Variants in SRSF5 observed in about 807,000 individuals in gnomAD.
SRSF5 encodes the protein serine/arginine-rich splicing factor 5.
SRSF5 carries 5 observed loss-of-function variants against 34.0 expected under a neutral mutation model. The observed-to-expected ratio is 0.15, with a 90% CI of 0.08 to 0.31. The LOEUF (loss-of-function observed/expected upper bound fraction) is 0.31. SRSF5 is among the 10% of genes least tolerant of loss of function. SRSF5 has a pLI of 1.00. For synonymous variants in SRSF5, 164 were observed against 117.7 expected, an observed-to-expected ratio of 1.39 and a Z score of -2.55; for missense variants, 223 against 351.4, an observed-to-expected ratio of 0.63 and a Z score of 2.92.
chr14:69,769,144 G>A (rs776742512), intron 4 of SRSF5, 38 bp from the exon 5 acceptor site: 1 of 1,609,862 alleles, frequency 6.2e-7, no homozygotes. Context: ...TGCTGTCATT[G>A]CATTTCTTCC....
intron 5 of SRSF5, 123 bp downstream of exon 5, chr14:69,769,374 T>TAAA: frequency 6.7e-7 from 1 of 1,501,232 alleles, no homozygotes; most frequent in Admixed American, 2.2e-5. Flanking sequence ...GAATTGTAAT[T>TAAA]TTAAACATTT....
At chr14:69,767,881 G>A in intron 1 of SRSF5, 1 of 436,986 alleles carries the variant, frequency 2.3e-6, no homozygotes, top group East Asian at 4.8e-5. Flanking sequence ...CCCGGAGAGT[G>A]TGCGGCTGCG....
intron 1 of SRSF5, 127 bp from the exon 2 acceptor site, chr14:69,768,011 C>T (rs994225508): frequency 3.0e-5 from 32 of 1,074,900 alleles, no homozygotes; most frequent in Admixed American, 2.2e-4. Flanking sequence ...ATTAGAGGCT[C>T]TGTTGGCAAT....
In SRSF5 at chr14:69,771,708, G is replaced by C; in HGVS notation, c.*247G>C. On this transcript the variant is annotated 3_prime_UTR_variant, in exon 8 of 8. Transcript: ENST00000557154. ...TTTTTGTGAATGTCTGAAGTATATA[G>C]TTTGTGTATATTGACAGAGCTCTTT... is the stretch of plus-strand genomic sequence containing the variant. 1 of 466,672 alleles carries C rather than the reference G, an allele frequency of 2.1e-6. No individual in the cohort carries two copies. The highest frequency in any genetic ancestry group is 3.8e-6 in the Non-Finnish European group (1 of 265,144). The allele number at this position is 466,672 out of a possible 1,614,324, so 28.9% of individuals were successfully genotyped here. A position where few individuals can be genotyped will look rare whatever the true frequency, so the allele number is the denominator to read the frequency against.
At position 69,768,201 on chromosome 14, in the gene SRSF5, C is replaced by T. The variant is rs773582219; in HGVS notation, c.45C>T (p.Ala15=). 1.2e-6 allele frequency: 2 copies of T among 1,614,110 alleles called. No individual in the cohort carries two copies. The highest frequency in any genetic ancestry group is 1.7e-6 in the Non-Finnish European group (2 of 1,180,038). The part of the protein sequence containing the change: ...RVFIGRLNPA[A]REKDVERFFK... ...TCATCGGGAGACTAAATCCAGCGGC[C>T]AGGGAGAAGGACGTGGAAAGATTCT... The change falls in exon 2 of 8, where the codon GCC becomes GCT. Residue 15 remains alanine, a synonymous_variant. Transcript: ENST00000557154.
rs1882733870 is a variant in SRSF5, at chr14:69,767,965, C to G, written c.-19-173C>G. The G allele has an allele frequency of 3.0e-5, 19 of 643,616 alleles. No individual in the cohort carries two copies. The South Asian group carries it at 3.5e-4, about 12-fold the overall frequency. The allele number at this position is 643,616 out of a possible 1,614,324, so 39.9% of individuals were successfully genotyped here. A position where few individuals can be genotyped will look rare whatever the true frequency, so the allele number is the denominator to read the frequency against. The stretch of plus-strand genomic sequence containing the variant: ...AGTAGCGGACCGTGTTGGGAGGGAG[C>G]TGGGTTTTCATTTTGTCTGCAGGTA... On this transcript the variant is annotated intron_variant, in intron 1 of 7. Coordinates refer to ENST00000557154, the MANE Select transcript of SRSF5 (RefSeq NM_001320214.2).
At chr14:69,767,826 T>A (rs1882705213) in intron 1 of SRSF5, 1 of 365,108 alleles carries the variant, frequency 2.7e-6, no homozygotes, top group Non-Finnish European at 5.3e-6. Flanking sequence ...CCGCCCGCAC[T>A]TCTCGGCCTT....
rs1393173831 is a variant in SRSF5 at position 69,770,329 on chromosome 14, G to C, written c.367-138G>C. On this transcript the variant is annotated intron_variant, in intron 5 of 7. Transcript: ENST00000557154. ...CATAGATAATTTTTGAATTCTGATA[G>C]AATACAAGTGTGGTAAATGCCATGT... The C allele has an allele frequency of 9.8e-6, 14 of 1,434,292 alleles. No homozygotes were observed. In the East Asian group the frequency reaches 1.5e-4, roughly 16 times the overall value. 88.8% of individuals were successfully genotyped at this position (1,434,292 alleles called of 1,614,324 possible). A position where few individuals can be genotyped will look rare whatever the true frequency, so the allele number is the denominator to read the frequency against.
Position 69,770,167 on chromosome 14 carries a change from TTTG to T in SRSF5, c.367-294_367-292del, listed in dbSNP as rs746146335. ...TTTAAAAATATGTACTGTTTCCTTT[TTTG>T]TTGTTTTTTTGTTTGTTTTTTTTTC... On this transcript the variant is annotated intron_variant, in intron 5 of 7. Coordinates refer to ENST00000557154, the MANE Select transcript of SRSF5 (RefSeq NM_001320214.2). 1,244 of 1,093,006 alleles carry T rather than the reference TTTG, an allele frequency of 1.1e-3. 2 individuals carry two copies. The highest frequency in any genetic ancestry group is 1.3e-3 in the Non-Finnish European group (1,177 of 899,440). The allele number at this position is 1,093,006 out of a possible 1,614,324, so 67.7% of individuals were successfully genotyped here.
rs757699564 is a variant in SRSF5 at position 69,769,283 on chromosome 14, A to T, written c.366+32A>T. 2.5e-6 allele frequency: 4 copies of T among 1,610,596 alleles called. No individual in the cohort carries two copies. In the African/African-American group the frequency reaches 5.4e-5, roughly 22 times the overall value. On this transcript the variant is annotated intron_variant, in intron 5 of 7. Transcript: ENST00000557154. Reference sequence around the variant, plus strand: ...TGAAATACAGTTTTGAGTTATTTTGATGTGGCTTTTTAAAAAAGTTAATGG... The same window carrying T: ...TGAAATACAGTTTTGAGTTATTTTGTTGTGGCTTTTTAAAAAAGTTAATGG...
At chr14:69,770,244 T>A in intron 5 of SRSF5, 1 of 1,334,360 alleles carries the variant, frequency 7.5e-7, no homozygotes, top group Non-Finnish European at 9.6e-7. Context: ...TGTTAAAATC[T>A]GAATTTCTTT....
Position 69,768,386 on chromosome 14 carries a change from G to A in SRSF5, c.126+104G>A, listed in dbSNP as rs927368425. Reference sequence around the variant, plus strand: ...GGTGGAATATTTGCCTTCAGAAAATGTTACCCAGCCTTATGTCTGAATTTT... The same window carrying A: ...GGTGGAATATTTGCCTTCAGAAAATATTACCCAGCCTTATGTCTGAATTTT... On this transcript the variant is annotated intron_variant, in intron 2 of 7. Coordinates refer to ENST00000557154, the MANE Select transcript of SRSF5 (RefSeq NM_001320214.2). The A allele has an allele frequency of 4.9e-5, 74 of 1,509,246 alleles. No individual in the cohort carries two copies. The Admixed American group carries it at 1.3e-3, about 27-fold the overall frequency. The allele number at this position is 1,509,246 out of a possible 1,614,324, so 93.5% of individuals were successfully genotyped here. A position where few individuals can be genotyped will look rare whatever the true frequency, so the allele number is the denominator to read the frequency against.
intron 4 of SRSF5, 131 bp downstream of exon 4, chr14:69,769,027 G>A: frequency 7.8e-7 from 1 of 1,280,268 alleles, no homozygotes; most frequent in Non-Finnish European, 1.1e-6. Flanking sequence ...TTAGCCAGTT[G>A]TTCTTGATGA....
At chr14:69,768,550 GT>G in intron 2 of SRSF5, 53 bp from the exon 3 acceptor site, 1 of 1,534,656 alleles carries the variant, frequency 6.5e-7, no homozygotes, top group Non-Finnish European at 9.0e-7. Flanking sequence ...CTCTTAATGT[GT>G]TGTAGAATAC....
chr14:69,770,078 A>G (rs1363162476), intron 5 of SRSF5: 10 of 1,026,354 alleles, frequency 9.7e-6, no homozygotes, highest in Non-Finnish European at 1.2e-5. Context: ...ATGGGGCACA[A>G]AATAACTGGT....
rs74061422 is a variant in SRSF5 at position 69,769,155 on chromosome 14, A to G, written c.297-27A>G. 7,459 of 1,613,078 alleles carry G rather than the reference A, an allele frequency of 4.6e-3. 320 individuals carry two copies. The African/African-American group carries it at 0.088, about 19-fold the overall frequency. ...CAAGTGCTGTCATTGCATTTCTTCC[A>G]TTGTGAATACGAATTTTCTTCCTCA... On this transcript the variant is annotated intron_variant, in intron 4 of 7. Transcript: ENST00000557154.
intron 3 of SRSF5, 26 bp from the exon 4 acceptor site, chr14:69,768,772 C>T (rs756062758): frequency 6.2e-6 from 10 of 1,612,574 alleles, no homozygotes; most frequent in African/African-American, 1.3e-5. Context: ...AAGTGTGTAA[C>T]GGAGATTTTT....
Position 69,768,617 on chromosome 14 carries a change from C to G in SRSF5, c.140C>G (p.Pro47Arg), listed in dbSNP as rs770221793. ...CTTACATTTTAGGAATTTGAGGATC[C>G]AAGGGATGCAGATGATGCTGTGTAT... is the stretch of plus-strand genomic sequence containing the variant. ...RGFGFVEFED[P>R]RDADDAVYEL... Residue 47 changes from proline to arginine, a missense_variant, in exon 3 of 8, where the codon CCA becomes CGA. Around this residue, in one of 4 missense-constraint regions of SRSF5, gnomAD observed 27 missense variants for 90.7 expected, o/e 0.30. Transcript: ENST00000557154. The G allele has an allele frequency of 6.2e-6, 10 of 1,613,906 alleles. No individual in the cohort carries two copies. The East Asian group carries it at 2.0e-4, about 32-fold the overall frequency.
intron 5 of SRSF5, chr14:69,769,563 C>T: frequency 4.6e-6 from 7 of 1,535,362 alleles, no homozygotes; most frequent in African/African-American, 1.4e-5. Context: ...TTATCCTAAT[C>T]GTTGTCTTGG....
Sources: gnomAD v4.1 joint callset for allele counts on GRCh38, gnomAD v4.1.1 for gene constraint, gnomAD v4.1.1 regional missense constraint, MANE v1.5 for transcripts, NCBI Gene and HGNC (gene_info 2026-07-23, HGNC 2026-07-21) for gene names.